Variants in ADCY4 observed in about 807,000 individuals in gnomAD.
The protein encoded by ADCY4 is adenylate cyclase 4, also known as adenylate cyclase type 4.
Under a neutral mutation model 125.5 loss-of-function variants are expected in ADCY4, and 111 were observed. That is an observed-to-expected ratio of 0.88 (90% CI 0.76 to 1.04). ADCY4 has a LOEUF of 1.04. ADCY4 is among the 50% of genes least tolerant of loss of function. ADCY4 has a pLI of 0.00. For missense variants in ADCY4, 1,256 were observed against 1,382.9 expected (o/e 0.91, Z 1.46); for synonymous variants, 576 against 586.9 (o/e 0.98, Z 0.27).
Position 24,329,571 on chromosome 14 carries a change from C to A in ADCY4, c.1218-38G>T, listed in dbSNP as rs538786303. 3.5e-5 allele frequency: 52 copies of A among 1,501,830 alleles called. No homozygotes were observed. The African/African-American group carries it at 6.0e-4, about 17-fold the overall frequency. The allele number at this position is 1,501,830 out of a possible 1,614,324, so 93.0% of individuals were successfully genotyped here. A position where few individuals can be genotyped will look rare whatever the true frequency, so the allele number is the denominator to read the frequency against. On this transcript the variant is annotated intron_variant, in intron 8 of 24. Coordinates refer to ENST00000418030, the MANE Select transcript of ADCY4 (RefSeq NM_001198568.2). Reference sequence around the variant, plus strand: ...AGGCAGTAGGGGTCAGCAGGGAGGGCCTTCAAATCTCCTATTTCCTGCCCC... The same window carrying A: ...AGGCAGTAGGGGTCAGCAGGGAGGGACTTCAAATCTCCTATTTCCTGCCCC...
In ADCY4 at chr14:24,331,317, G is replaced by C. The variant is rs143756412; in HGVS notation, c.709C>G (p.Arg237Gly). 14 of 1,613,944 alleles carry C rather than the reference G, an allele frequency of 8.7e-6. No individual in the cohort carries two copies. The highest frequency in any genetic ancestry group is 8.3e-5 in the Admixed American group (5 of 60,010). ...LLSILPAYLA[R>G]EMKAEIMARL... The stretch of plus-strand genomic sequence containing the variant: ...GCCATGATCTCTGCCTTCATCTCTC[G>C]GGCCAGGTAGGCAGGAAGGATGGAC... The change falls in exon 5 of 25, where the codon CGA becomes GGA. Residue 237 changes from arginine to glycine, a missense_variant. Arg to Gly is a moderately radical substitution (Grantham distance 125). Transcript: ENST00000418030.
rs754827477 is a variant in ADCY4, at chr14:24,334,599, C to T, written c.54G>A (p.Glu18=). 4 of 1,567,800 alleles carry T rather than the reference C, an allele frequency of 2.6e-6. No individual in the cohort carries two copies. In the African/African-American group the frequency reaches 5.4e-5, roughly 21 times the overall value. ...RPPPSEDLFY[E]TYYSLSQQYP... is the part of the protein sequence containing the mutation. ...ACTGCTGGCTCAGGCTGTAGTAGGT[C>T]TCGTAGAAGAGGTCTTCGCTGGGGG... Residue 18 remains glutamate, a synonymous_variant, in exon 1 of 25, where the codon GAG becomes GAA. Transcript: ENST00000418030.
chr14:24,329,963 CTG>C lies in ADCY4; in HGVS notation c.1112_1113del (p.Ser371TrpfsTer21). On this transcript the variant is annotated frameshift_variant, in exon 8 of 25. Transcript: ENST00000418030. LOFTEE classifies it high-confidence loss of function. The part of the protein sequence containing the change: ...VDINMRVGVH[S>X]GSVLCGVIGL... ...CCGATGACTCCACACAGTACGCTGC[CTG>C]AGTGCACGCCCACACGCATGTTGAT... is the stretch of plus-strand genomic sequence containing the variant. The C allele has an allele frequency of 6.2e-7, 1 of 1,614,156 alleles. No individual in the cohort carries two copies. Among genetic ancestry groups the C allele is most frequent in the Non-Finnish European group, 8.5e-7 (1 of 1,180,008 alleles).
intron 14 of ADCY4, among the ~76,000 whole-genome samples, chr14:24,324,624 G>A (rs371091180): frequency 9.1e-4 from 138 of 152,316 alleles, no homozygotes; most frequent in Admixed American, 1.5e-3. Context: ...TGGGGAGTGG[G>A]GGCTCACAAG....
In ADCY4 at chr14:24,334,525, G is replaced by C; in HGVS notation, c.128C>G (p.Ala43Gly). Residue 43 changes from alanine (A) to glycine (G), a missense_variant, in exon 1 of 25, where the codon GCG becomes GGG. Transcript: ENST00000418030. ...LLGIVLCALA[A>G]LLAVAWASGR... ...GCTGGCCCAGGCCACTGCGAGCAGC[G>C]CCGCGAGCGCACAGAGCACGATCCC... is the stretch of plus-strand genomic sequence containing the variant. 1.3e-6 allele frequency: 2 copies of C among 1,582,384 alleles called. No individual in the cohort carries two copies. The highest frequency in any genetic ancestry group is 1.7e-6 in the Non-Finnish European group (2 of 1,169,798).
chr14:24,322,251 G>T (rs1465876752), intron 19 of ADCY4, 27 bp from the exon 20 acceptor site: 2 of 1,599,248 alleles, frequency 1.3e-6, no homozygotes, highest in Non-Finnish European at 1.7e-6. Context: ...GGGGCCATGG[G>T]GAGACACAGA....
chr14:24,332,321 TC>T, intron 3 of ADCY4, 200 bp downstream of exon 3: 1 of 564,246 alleles, frequency 1.8e-6, no homozygotes, highest in Non-Finnish European at 3.0e-6. Context: ...ACGACTCCCT[TC>T]CGTGTGGCCT....
intron 6 of ADCY4, 48 bp from the exon 7 acceptor site, chr14:24,330,343 A>T: frequency 6.2e-7 from 1 of 1,610,578 alleles, no homozygotes; most frequent in South Asian, 1.1e-5. Context: ...TAGAGGTCAG[A>T]AGGGTAGGAG....
At chr14:24,326,566 G>T in intron 10 of ADCY4, 3 of 525,872 alleles carry the variant, frequency 5.7e-6, no homozygotes, top group Non-Finnish European at 6.8e-6. Flanking sequence ...AGACTCCCAG[G>T]ATCTTTGTGT....
chr14:24,326,432 G>T (rs1299250809), intron 10 of ADCY4, 90 bp from the exon 11 acceptor site: 5 of 1,485,984 alleles, frequency 3.4e-6, no homozygotes, highest in Non-Finnish European at 4.7e-6. Context: ...CTCTATACAT[G>T]TCTTTGACCT....
chr14:24,328,388 C>T (rs1470631171), intron 10 of ADCY4, among the ~76,000 whole-genome samples: 2 of 152,210 alleles, frequency 1.3e-5, no homozygotes, highest in African/African-American at 4.8e-5. Context: ...GCTCCTAGTC[C>T]ACCTTCATGT....
intron 14 of ADCY4, among the ~76,000 whole-genome samples, chr14:24,324,651 G>T (rs985606369): frequency 1.3e-5 from 2 of 152,206 alleles, no homozygotes; most frequent in East Asian, 1.9e-4. Flanking sequence ...TGAGGCTACG[G>T]CAGACTGATC....
intron 23 of ADCY4, 111 bp downstream of exon 23, chr14:24,318,987 C>A: frequency 6.9e-7 from 1 of 1,451,636 alleles, no homozygotes; most frequent in South Asian, 1.3e-5. Flanking sequence ...GGGAGTGAGT[C>A]AGGAAAGGGG....
chr14:24,333,164 T>C (rs564370733), intron 1 of ADCY4, among the ~76,000 whole-genome samples, 176 bp from the exon 2 acceptor site: 10 of 148,380 alleles, frequency 6.7e-5, no homozygotes, highest in African/African-American at 2.4e-4. Context: ...CCATTTGAAA[T>C]TGCTTGTGTC....
rs150756728 is a variant in ADCY4, at chr14:24,319,388, C to T, written c.2782G>A (p.Gly928Ser). 36 of 1,613,980 alleles carry T rather than the reference C, an allele frequency of 2.2e-5. No homozygotes were observed. The highest frequency in any genetic ancestry group is 3.3e-4 in the Middle Eastern group (2 of 6,084). ...FSGVEKIKTI[G>S]STYMAATGLN... ...CCTGTGGCTGCCATGTAGGTGCTGC[C>T]GATGGTCTTGATCTTCTCCACCCCA... is the stretch of plus-strand genomic sequence containing the variant. The change falls in exon 22 of 25, where the codon GGC (glycine) becomes AGC (serine). Residue 928 changes from glycine (G) to serine (S), a missense_variant. By Grantham distance (56) the Gly-to-Ser change is moderately conservative. Coordinates refer to ENST00000418030, the MANE Select transcript of ADCY4 (RefSeq NM_001198568.2). This position sits in a 1 kb window ranked among gnomAD's most constrained non-coding sequence, Gnocchi z 4.5.
Position 24,329,239 on chromosome 14 carries a change from G to C in ADCY4, c.1351-5C>G. Reference sequence around the variant, plus strand: ...CTTCTCATCCTCCTCCTCTGCCTGGGGCACATAAGGGCTGACAGTAAAGAC... The same window carrying C: ...CTTCTCATCCTCCTCCTCTGCCTGGCGCACATAAGGGCTGACAGTAAAGAC... On this transcript the variant is annotated splice_region_variant and splice_polypyrimidine_tract_variant and intron_variant, in intron 9 of 24. Transcript: ENST00000418030. 6.2e-7 allele frequency: 1 copy of C among 1,612,990 alleles called. No homozygotes were observed. Among genetic ancestry groups the C allele is most frequent in the Non-Finnish European group, 8.5e-7 (1 of 1,179,354 alleles).
intron 6 of ADCY4, 56 bp downstream of exon 6, chr14:24,330,962 C>T: frequency 6.7e-7 from 1 of 1,502,488 alleles, no homozygotes; most frequent in Non-Finnish European, 9.0e-7. Flanking sequence ...TTGGAAGGGG[C>T]TACCCAGGAT....
Position 24,326,078 on chromosome 14 carries a change from C to G in ADCY4, c.1655+1G>C. 6.3e-7 allele frequency: 1 copy of G among 1,575,054 alleles called. No individual in the cohort carries two copies. Among genetic ancestry groups the G allele is most frequent in the Non-Finnish European group, 8.6e-7 (1 of 1,158,548 alleles). On this transcript the variant is annotated splice_donor_variant, in intron 12 of 24. Coordinates refer to ENST00000418030, the MANE Select transcript of ADCY4 (RefSeq NM_001198568.2). LOFTEE classifies it high-confidence loss of function. ...CCCCCAGCCCTCTTTGTTCTCCGTA[C>G]TTCTGCGAGTTGAGCTGCTCAATGA...
At chr14:24,321,646 T>G in intron 20 of ADCY4, 1 of 246,582 alleles carries the variant, frequency 4.1e-6, no homozygotes, top group Non-Finnish European at 6.6e-6. Context: ...CAAGTTCCTA[T>G]GAGAATCTGA....
Sources: allele counts gnomAD v4.1 joint callset (sites outside exome capture counted in the v4.1 genomes callset), GRCh38; gene constraint gnomAD v4.1.1; non-coding constraint Gnocchi (gnomAD v3.1); transcripts MANE v1.5; gene names NCBI Gene and HGNC (gene_info 2026-07-23, HGNC 2026-07-21).